The following NCOA2 variants were observed in gnomAD, a reference collection of about 807,000 sequenced individuals.
NCOA2 encodes the protein class E basic helix-loop-helix protein 75.
NCOA2 carries 21 observed loss-of-function variants against 145.1 expected under a neutral mutation model. The observed-to-expected ratio is 0.14, with a 90% confidence interval of 0.10 to 0.21. The LOEUF (loss-of-function observed/expected upper bound fraction) is 0.21, where lower values mean the gene tolerates loss of function less well. NCOA2 is among the 10% of genes least tolerant of loss of function. NCOA2 has a pLI of 1.00. For missense variants in NCOA2, 1,472 were observed against 1,837.6 expected (o/e 0.80, Z 3.64); for synonymous variants, 619 against 637.5 (o/e 0.97, Z 0.44).
chr8:70,232,944 C>A (rs1050392275), intron 2 of NCOA2, among the ~76,000 whole-genome samples: 2 of 151,224 alleles, frequency 1.3e-5, no homozygotes, highest in Non-Finnish European at 2.9e-5. Context: ...TAATACATGT[C>A]GGCCAGGCGC....
At chr8:70,174,003 C>G (rs747490984) in intron 5 of NCOA2, among the ~76,000 whole-genome samples, 2 of 152,172 alleles carry the variant, frequency 1.3e-5, no homozygotes, top group Non-Finnish European at 2.9e-5. Flanking sequence ...ATCAGCCGAG[C>G]AAATTATCCT....
At chr8:70,238,818 T>C (rs978690881) in intron 2 of NCOA2, among the ~76,000 whole-genome samples, 12 of 152,138 alleles carry the variant, frequency 7.9e-5, no homozygotes, top group Non-Finnish European at 5.9e-5. Flanking sequence ...ACAGCAAATA[T>C]GGTACATTAC....
chr8:70,308,397 G>A (rs767310965), intron 1 of NCOA2, among the ~76,000 whole-genome samples: 4 of 151,956 alleles, frequency 2.6e-5, no homozygotes, highest in Admixed American at 1.3e-4. Flanking sequence ...TCATAATCTG[G>A]GTACTACTGG....
intron 4 of NCOA2, among the ~76,000 whole-genome samples, chr8:70,179,041 T>C (rs1359968375): frequency 6.6e-6 from 1 of 152,190 alleles, no homozygotes; most frequent in Non-Finnish European, 1.5e-5. Flanking sequence ...CTTTAAAAAG[T>C]GTTGCAATAT....
intron 9 of NCOA2, among the ~76,000 whole-genome samples, chr8:70,161,849 C>T (rs1228326604): frequency 6.6e-6 from 1 of 152,152 alleles, no homozygotes; most frequent in Non-Finnish European, 1.5e-5. Context: ...AGGACAGTCT[C>T]CCTCCCCAAA....
the NCOA2 span, among the ~76,000 whole-genome samples, chr8:70,428,828 G>A: frequency 2.7e-5 from 4 of 150,266 alleles, no homozygotes; most frequent in Non-Finnish European, 5.9e-5. Context: ...TGCCCTCTGT[G>A]TGGCAATCTA....
At chr8:70,215,006 ATGTT>A (rs1367782208) in intron 3 of NCOA2, among the ~76,000 whole-genome samples, 1 of 152,120 alleles carries the variant, frequency 6.6e-6, no homozygotes, top group African/African-American at 2.4e-5. Flanking sequence ...ATCTCTAAAT[ATGTT>A]TGATTTTCAT....
chr8:70,392,218 A>G (rs1363017153), intron 1 of NCOA2, among the ~76,000 whole-genome samples: 4 of 152,346 alleles, frequency 2.6e-5, no homozygotes, highest in African/African-American at 7.2e-5. Flanking sequence ...CTGAAATAAC[A>G]GTATTTAGCC....
At chr8:70,380,799 T>G (rs78194481) in intron 1 of NCOA2, among the ~76,000 whole-genome samples, 4,933 of 152,182 alleles carry the variant, frequency 0.032, 271 homozygotes, top group African/African-American at 0.11. Context: ...AAAAGGCCTG[T>G]GGCCGTGGCT....
intron 2 of NCOA2, among the ~76,000 whole-genome samples, chr8:70,289,790 T>C (rs1826522778): frequency 6.6e-6 from 1 of 152,208 alleles, no homozygotes; most frequent in Admixed American, 6.5e-5. Flanking sequence ...AAACTGTATG[T>C]TGACTCCCTA....
In NCOA2 at chr8:70,163,467, T is replaced by C. The variant is rs1295297771; in HGVS notation, c.830A>G (p.Gln277Arg). The change falls in exon 8 of 23, where the codon CAA becomes CGA. Residue 277 changes from glutamine (Q) to arginine (R), a missense_variant and splice_region_variant. Transcript: ENST00000452400. ...SESFTTRQDL[Q>R]GKITSLDTST... ...TCTTCTTTGGAGAGGAAATTTACCT[T>C]GGAGATCCTGGCGAGTAGTAAAACT... is the stretch of plus-strand genomic sequence containing the variant. The C allele has an allele frequency of 6.2e-7, 1 of 1,610,744 alleles. No individual in the cohort carries two copies. Among genetic ancestry groups the C allele is most frequent in the Non-Finnish European group, 8.5e-7 (1 of 1,177,284 alleles).
At chr8:70,306,908 T>G (rs1323208981) in intron 1 of NCOA2, among the ~76,000 whole-genome samples, 5 of 152,024 alleles carry the variant, frequency 3.3e-5, no homozygotes, top group Non-Finnish European at 5.9e-5. Context: ...ATGAGGAAAC[T>G]AAGAGAAGTT....
chr8:70,371,670 G>C (rs191786090), intron 1 of NCOA2, among the ~76,000 whole-genome samples: 1 of 152,056 alleles, frequency 6.6e-6, no homozygotes, highest in East Asian at 1.9e-4. Flanking sequence ...CAGTTCTGTT[G>C]TTGTTGTTGT....
intron 1 of NCOA2, among the ~76,000 whole-genome samples, chr8:70,349,400 C>A (rs1458803459): frequency 6.6e-6 from 1 of 151,878 alleles, no homozygotes; most frequent in Admixed American, 6.6e-5. Context: ...ATGTATGTTA[C>A]CAAAATTATC....
intron 1 of NCOA2, among the ~76,000 whole-genome samples, chr8:70,322,890 G>GA (rs1806205317): frequency 6.6e-6 from 1 of 152,096 alleles, no homozygotes; most frequent in African/African-American, 2.4e-5. Context: ...ATATTTCAAA[G>GA]AATTTGTTAT....
chr8:70,430,949 A>C, the NCOA2 span, among the ~76,000 whole-genome samples: 1 of 152,206 alleles, frequency 6.6e-6, no homozygotes, highest in Admixed American at 6.5e-5. Context: ...TGGATTTACG[A>C]AATCTGGCCA....
In NCOA2 at chr8:70,214,029, A is replaced by AT; in HGVS notation, c.132dup (p.Tyr45IlefsTer14). Reference sequence around the variant, plus strand: ...ATCAACTCTGCAAGTTCTTCTATATATTTATTTTCCTGTTCACGATTACGT... The same window carrying AT: ...ATCAACTCTGCAAGTTCTTCTATATATTTTATTTTCCTGTTCACGATTACGT... On this transcript the variant is annotated frameshift_variant, in exon 4 of 23. Coordinates refer to ENST00000452400, the MANE Select transcript of NCOA2 (RefSeq NM_006540.4). LOFTEE classifies it high-confidence loss of function. 1 of 1,610,636 alleles carries AT rather than the reference A, an allele frequency of 6.2e-7. No individual in the cohort carries two copies. The highest frequency in any genetic ancestry group is 8.5e-7 in the Non-Finnish European group (1 of 1,179,218).
In NCOA2 at chr8:70,320,417, C is replaced by T. The variant is rs540455710; in HGVS notation, c.-76-23617G>A. Among the ~76,000 whole-genome samples the T allele has an allele frequency of 6.6e-5, 10 of 152,038 alleles. No homozygotes were observed. The East Asian group carries it at 1.5e-3, about 23-fold the overall frequency. On this transcript the variant is annotated intron_variant, in intron 1 of 22. Coordinates refer to ENST00000452400, the MANE Select transcript of NCOA2 (RefSeq NM_006540.4). Reference sequence around the variant, plus strand: ...AAACTCTACTATATGATAATTAAAACTAGAAATAAGAGAAAAAACTCTTTA... The same window carrying T: ...AAACTCTACTATATGATAATTAAAATTAGAAATAAGAGAAAAAACTCTTTA...
chr8:70,311,262 A>G (rs1805093425), intron 1 of NCOA2, among the ~76,000 whole-genome samples: 1 of 152,202 alleles, frequency 6.6e-6, no homozygotes, highest in Admixed American at 6.5e-5. Context: ...AAAATATTTT[A>G]AAAGGAATAG....
Sources: gnomAD v4.1 joint callset for allele counts (sites outside exome capture counted in the v4.1 genomes callset) on GRCh38, gnomAD v4.1.1 for gene constraint, MANE v1.5 for transcripts, NCBI Gene and HGNC (gene_info 2026-07-23, HGNC 2026-07-21) for gene names.